Variants in BTG4 observed in about 807,000 individuals in gnomAD.
BTG4 encodes BTG anti-proliferation factor 4, also known as protein BTG4.
Under a neutral mutation model 19.3 loss-of-function variants are expected in BTG4, and 10 were observed. That is an observed-to-expected ratio of 0.52 (90% CI 0.32 to 0.88). The LOEUF (loss-of-function observed/expected upper bound fraction) is 0.88, where lower values mean the gene tolerates loss of function less well. Ranked by LOEUF, BTG4 falls within the 40% of genes least tolerant of loss-of-function variation. The probability of loss-of-function intolerance (pLI) is 0.04; values close to 1 mark genes in which losing one functional copy is unlikely to be tolerated. For missense variants in BTG4, 238 were observed against 281.9 expected (o/e 0.84, Z 1.11); for synonymous variants, 91 against 95.7 (o/e 0.95, Z 0.29).
At chr11:111,479,231 A>G (rs1864586736) in intron 5 of BTG4, among the ~76,000 whole-genome samples, 1 of 152,180 alleles carries the variant, frequency 6.6e-6, no homozygotes, top group Admixed American at 6.5e-5. Context: ...TGCTGAATGA[A>G]AAGAGCTGTC....
chr11:111,509,850 T>C (rs542487926), intron 1 of BTG4, among the ~76,000 whole-genome samples: 1 of 151,566 alleles, frequency 6.6e-6, no homozygotes, highest in East Asian at 1.9e-4. Flanking sequence ...TTTGTATGTA[T>C]TGAAGGGAGG....
the BTG4 span, among the ~76,000 whole-genome samples, chr11:111,393,233 A>T: frequency 6.6e-6 from 1 of 152,212 alleles, no homozygotes; most frequent in East Asian, 1.9e-4. Flanking sequence ...ACTAAATCAC[A>T]GTTTGTAAAT....
the BTG4 span, chr11:111,397,884 T>C: frequency 6.6e-6 from 1 of 152,252 alleles, no homozygotes; most frequent in Admixed American, 6.5e-5. Context: ...GGGATCACTG[T>C]TTTTAAGATA....
At chr11:111,419,605 C>A in the BTG4 span, among the ~76,000 whole-genome samples, 1 of 152,246 alleles carries the variant, frequency 6.6e-6, no homozygotes, top group Non-Finnish European at 1.5e-5. Context: ...GCTCGCTTCC[C>A]AAGCTCATAA....
intron 5 of BTG4, among the ~76,000 whole-genome samples, chr11:111,482,296 C>A (rs1864788460): frequency 6.6e-6 from 1 of 151,936 alleles, no homozygotes; most frequent in African/African-American, 2.4e-5. Flanking sequence ...AACACACACA[C>A]ACGAAGAAAT....
the BTG4 span, among the ~76,000 whole-genome samples, chr11:111,429,185 A>G: frequency 0.34 from 51,041 of 151,910 alleles, 8,613 homozygotes; most frequent in African/African-American, 0.36. Flanking sequence ...TACCCAAGAA[A>G]CAGTTACTCA....
the BTG4 span, among the ~76,000 whole-genome samples, chr11:111,458,396 C>T: frequency 1.1e-4 from 16 of 152,182 alleles, no homozygotes; most frequent in Non-Finnish European, 1.8e-4. Context: ...CTTCATACCC[C>T]GACCCCATGA....
the BTG4 span, chr11:111,450,091 A>G: frequency 6.6e-6 from 1 of 152,248 alleles, no homozygotes; most frequent in African/African-American, 2.4e-5. Flanking sequence ...TTCATCCTAC[A>G]AAACTCCTTG....
At chr11:111,421,996 C>A in the BTG4 span, among the ~76,000 whole-genome samples, 4 of 152,142 alleles carry the variant, frequency 2.6e-5, no homozygotes, top group Non-Finnish European at 5.9e-5. Context: ...ATCAAAAGGG[C>A]CCAGAAGTTG....
chr11:111,393,675 G>T, the BTG4 span, among the ~76,000 whole-genome samples: 2 of 152,112 alleles, frequency 1.3e-5, no homozygotes, highest in Non-Finnish European at 2.9e-5. Context: ...CTAGCATGAG[G>T]AGGAGAGGGA....
chr11:111,451,764 CA>C, the BTG4 span, among the ~76,000 whole-genome samples: 25 of 148,964 alleles, frequency 1.7e-4, no homozygotes, highest in Middle Eastern at 3.5e-3. Context: ...AACTCTGTCT[CA>C]AAAAAAAAAT....
intron 4 of BTG4, chr11:111,496,981 A>G: frequency 2.4e-6 from 1 of 415,000 alleles, no homozygotes. Flanking sequence ...GTATGAAGAA[A>G]TAGGACAATA....
chr11:111,452,635 T>G, the BTG4 span: 1 of 152,186 alleles, frequency 6.6e-6, no homozygotes, highest in Non-Finnish European at 1.5e-5. Context: ...CAATCCCCTA[T>G]AAGTGGGTCT....
the BTG4 span, chr11:111,453,506 C>G: frequency 4.4e-6 from 2 of 456,654 alleles, no homozygotes; most frequent in South Asian, 3.1e-5. Flanking sequence ...TACACTTCCC[C>G]AAGAACTGGG....
chr11:111,476,745 GA>G (rs1375095848), intron 5 of BTG4, among the ~76,000 whole-genome samples: 1 of 152,130 alleles, frequency 6.6e-6, no homozygotes, highest in East Asian at 1.9e-4. Flanking sequence ...GGCTATGAGG[GA>G]GCTGTCCTCC....
intron 4 of BTG4, 130 bp from the exon 5 acceptor site, chr11:111,495,444 T>A: frequency 2.7e-6 from 2 of 734,730 alleles, no homozygotes; most frequent in Non-Finnish European, 4.2e-6. Context: ...TGCATAACCA[T>A]CTTTGAAAAA....
At chr11:111,395,483 T>C in the BTG4 span, among the ~76,000 whole-genome samples, 7 of 152,218 alleles carry the variant, frequency 4.6e-5, no homozygotes, top group Non-Finnish European at 7.3e-5. Context: ...GTCACCCCTG[T>C]GGGTGTCCGA....
At chr11:111,466,034 G>A (rs777317746), downstream of BTG4, among the ~76,000 whole-genome samples, 10 of 152,192 alleles carry the variant, frequency 6.6e-5, no homozygotes, top group East Asian at 1.9e-4. Flanking sequence ...TTCAACCTTC[G>A]TCTTGCCATT....
At chr11:111,387,879 C>CT in the BTG4 span, among the ~76,000 whole-genome samples, 1,061 of 149,834 alleles carry the variant, frequency 7.1e-3, 17 homozygotes, top group African/African-American at 0.024. Context: ...GCACAGAGAC[C>CT]TTTTTTTTTT....
Sources: allele counts gnomAD v4.1 joint callset (sites outside exome capture counted in the v4.1 genomes callset), GRCh38; gene constraint gnomAD v4.1.1; transcripts MANE v1.5; gene names NCBI Gene and HGNC (gene_info 2026-07-23, HGNC 2026-07-21).